The following NCKAP5 variants were observed in gnomAD, a reference collection of about 807,000 sequenced individuals.
NCKAP5 encodes the protein nck-associated protein 5.
Under a neutral mutation model 167.0 loss-of-function variants are expected in NCKAP5, and 92 were observed. The ratio of observed to expected loss-of-function variants is 0.55; its 90% confidence interval spans 0.47 to 0.66. NCKAP5 has a LOEUF of 0.66. Among genes scored for constraint, NCKAP5 ranks in the 30% least tolerant of loss-of-function variants. The pLI is 0.00. For missense variants in NCKAP5, 2,378 were observed against 2,315.0 expected (o/e 1.03, Z -0.56); for synonymous variants, 891 against 877.4 (o/e 1.02, Z -0.27).
chr2:133,136,931 C>T (rs1290335969), intron 5 of NCKAP5, among the ~76,000 whole-genome samples: 2 of 152,172 alleles, frequency 1.3e-5, no homozygotes, highest in Admixed American at 6.5e-5. Flanking sequence ...TCTCTCCCTA[C>T]CTATTGAGAA....
At chr2:133,329,061 C>A (rs760709635) in intron 3 of NCKAP5, among the ~76,000 whole-genome samples, 7 of 152,070 alleles carry the variant, frequency 4.6e-5, no homozygotes, top group Non-Finnish European at 1.0e-4. Context: ...TTTCCTTTAC[C>A]CACATAGCTT....
At chr2:132,810,328 G>A (rs1574295162) in intron 11 of NCKAP5, among the ~76,000 whole-genome samples, 1 of 152,168 alleles carries the variant, frequency 6.6e-6, no homozygotes, top group Admixed American at 6.5e-5. Context: ...CTCTAGTGAG[G>A]CCAGGAAAGT....
At chr2:133,297,320 C>A (rs951731126) in intron 4 of NCKAP5, among the ~76,000 whole-genome samples, 3 of 152,114 alleles carry the variant, frequency 2.0e-5, no homozygotes, top group Non-Finnish European at 2.9e-5. Flanking sequence ...GATGAATTCT[C>A]AGTTTTCCTC....
chr2:132,945,785 A>T (rs1165810277), intron 8 of NCKAP5, among the ~76,000 whole-genome samples: 1 of 152,212 alleles, frequency 6.6e-6, no homozygotes, highest in Non-Finnish European at 1.5e-5. Flanking sequence ...TCCATCTTTT[A>T]GATGTGAGAT....
intron 8 of NCKAP5, among the ~76,000 whole-genome samples, chr2:132,947,813 A>T (rs1375368777): frequency 1.3e-5 from 2 of 152,184 alleles, no homozygotes; most frequent in African/African-American, 4.8e-5. Flanking sequence ...ACGATAGAGC[A>T]TTCCTTTGCT....
At chr2:133,471,466 T>G (rs1345228781) in intron 3 of NCKAP5, among the ~76,000 whole-genome samples, 1 of 152,176 alleles carries the variant, frequency 6.6e-6, no homozygotes, top group Admixed American at 6.5e-5. Context: ...TTGGTCTGTC[T>G]TTGCAAGGAA....
At chr2:133,039,587 C>A (rs954618309) in intron 6 of NCKAP5, among the ~76,000 whole-genome samples, 1 of 152,134 alleles carries the variant, frequency 6.6e-6, no homozygotes. Context: ...CCTAGGAGAT[C>A]AAAGACCATG....
At chr2:133,647,356 A>AAAGGAAAGAAAGGAAGGAAGGAAGG in the NCKAP5 span, among the ~76,000 whole-genome samples, 1 of 121,730 alleles carries the variant, frequency 8.2e-6, no homozygotes. Flanking sequence ...GAAAGGAAAG[A>AAAGGAAAGAAAGGAAGGAAGGAAGG]AAGGAAGGAA....
At chr2:132,699,523 C>T (rs921027771) in intron 19 of NCKAP5, among the ~76,000 whole-genome samples, 4 of 151,818 alleles carry the variant, frequency 2.6e-5, no homozygotes, top group African/African-American at 9.7e-5. Flanking sequence ...TGTTCTCCAT[C>T]CTGTGTCCAA....
At chr2:133,391,777 T>C (rs1687428636) in intron 3 of NCKAP5, among the ~76,000 whole-genome samples, 1 of 152,170 alleles carries the variant, frequency 6.6e-6, no homozygotes, top group African/African-American at 2.4e-5. Flanking sequence ...ATTACCAGGG[T>C]AAACTGTCTC....
At chr2:132,776,728 G>A (rs1300136006) in intron 15 of NCKAP5, among the ~76,000 whole-genome samples, 1 of 152,134 alleles carries the variant, frequency 6.6e-6, no homozygotes, top group African/African-American at 2.4e-5. Context: ...TGGAAATGAG[G>A]GGCATAATTT....
chr2:133,582,784 A>C, the NCKAP5 span, among the ~76,000 whole-genome samples: 1 of 152,342 alleles, frequency 6.6e-6, no homozygotes, highest in East Asian at 1.9e-4. Context: ...TTCCTGGTCC[A>C]GTCAACCTGA....
At chr2:132,948,272 G>C (rs557644982) in intron 8 of NCKAP5, among the ~76,000 whole-genome samples, 9 of 152,272 alleles carry the variant, frequency 5.9e-5, no homozygotes, top group East Asian at 5.8e-4. Flanking sequence ...GGCTGGTTAG[G>C]GGGGGAAGCT....
chr2:133,055,796 C>A (rs758578093), intron 6 of NCKAP5, among the ~76,000 whole-genome samples: 2 of 152,054 alleles, frequency 1.3e-5, no homozygotes, highest in African/African-American at 4.8e-5. Context: ...TGGCACCTGT[C>A]CTTTTGGTGA....
chr2:133,013,893 C>T (rs1679371313), intron 6 of NCKAP5, among the ~76,000 whole-genome samples: 1 of 152,148 alleles, frequency 6.6e-6, no homozygotes, highest in Non-Finnish European at 1.5e-5. Flanking sequence ...TGGCCTGGAG[C>T]ATCTTTTCAA....
intron 3 of NCKAP5, among the ~76,000 whole-genome samples, chr2:133,503,785 T>C (rs957038022): frequency 2.0e-5 from 3 of 152,230 alleles, no homozygotes; most frequent in African/African-American, 7.2e-5. Flanking sequence ...TTCCAAACAA[T>C]ATTCAATTAC....
the NCKAP5 span, among the ~76,000 whole-genome samples, chr2:133,669,991 A>G: frequency 2.6e-5 from 4 of 152,348 alleles, no homozygotes; most frequent in East Asian, 7.7e-4. Flanking sequence ...GATGAAAACA[A>G]AACAGAAGAT....
intron 6 of NCKAP5, among the ~76,000 whole-genome samples, chr2:133,046,041 C>T (rs58044617): frequency 0.027 from 4,152 of 152,208 alleles, 172 homozygotes; most frequent in African/African-American, 0.092. Context: ...TCAGGCTGGA[C>T]GGAGCAGGTT....
chr2:133,462,283 A>G (rs759080065), intron 3 of NCKAP5, among the ~76,000 whole-genome samples: 3 of 152,064 alleles, frequency 2.0e-5, no homozygotes, highest in Non-Finnish European at 2.9e-5. Flanking sequence ...GTCACATCAC[A>G]TGATAAAGTT....
Sources: gnomAD v4.1 joint callset for allele counts (sites outside exome capture counted in the v4.1 genomes callset) on GRCh38, gnomAD v4.1.1 for gene constraint, MANE v1.5 for transcripts, NCBI Gene and HGNC (gene_info 2026-07-23, HGNC 2026-07-21) for gene names.